FAM13A: variants seen among roughly 807,000 people sequenced by gnomAD.
FAM13A encodes the protein protein FAM13A.
In FAM13A, 76 loss-of-function variants were observed where a neutral mutation model predicts 129.6. The observed-to-expected ratio is 0.59, with a 90% CI of 0.49 to 0.71. The LOEUF (loss-of-function observed/expected upper bound fraction) is 0.71, where lower values mean the gene tolerates loss of function less well. Ranked by LOEUF, FAM13A falls within the 30% of genes least tolerant of loss-of-function variation. The pLI, the probability that FAM13A is intolerant of heterozygous loss-of-function variation, is 0.00. For missense variants in FAM13A, 1,108 were observed against 1,249.3 expected, an observed-to-expected ratio of 0.89 and a Z score of 1.70; for synonymous variants, 443 against 449.9, an observed-to-expected ratio of 0.98 and a Z score of 0.20.
chr4:89,048,799 T>C (rs890775422), intron 1 of FAM13A, among the ~76,000 whole-genome samples: 2 of 152,228 alleles, frequency 1.3e-5, no homozygotes, highest in Non-Finnish European at 1.5e-5. Flanking sequence ...AAGTGATTAC[T>C]ACTGCTACAC....
At position 88,768,045 on chromosome 4, in the gene FAM13A, G is replaced by T; in HGVS notation, c.1473C>A (p.Leu491=). ...TTCTCTCATGAGATCGTGTGGAATT[G>T]AGACTTTCCATATTCTGTAACAGAA... is the stretch of plus-strand genomic sequence containing the variant. ...NQDGLVNMES[L]NSTRSHERTG... Residue 491 remains leucine (L), a synonymous_variant, in exon 12 of 24, where the codon CTC becomes CTA. Transcript: ENST00000264344. 1 of 1,603,802 alleles carries T rather than the reference G, an allele frequency of 6.2e-7. No homozygotes were observed. Among genetic ancestry groups the T allele is most frequent in the South Asian group, 1.1e-5 (1 of 90,730 alleles).
chr4:89,053,402 A>C (rs1019571550), intron 1 of FAM13A, among the ~76,000 whole-genome samples: 1 of 152,198 alleles, frequency 6.6e-6, no homozygotes, highest in Non-Finnish European at 1.5e-5. Context: ...CCTGTCAAAG[A>C]AGATAAACCT....
intron 4 of FAM13A, among the ~76,000 whole-genome samples, chr4:88,980,790 G>C (rs1761562018): frequency 6.6e-6 from 1 of 152,316 alleles, no homozygotes; most frequent in African/African-American, 2.4e-5. Flanking sequence ...GCAGTTAGCA[G>C]ATAAAATGAC....
chr4:88,845,507 G>C (rs918598240), intron 7 of FAM13A, among the ~76,000 whole-genome samples: 3 of 152,070 alleles, frequency 2.0e-5, no homozygotes, highest in Non-Finnish European at 4.4e-5. Context: ...GAAGGGCGAG[G>C]GAAGGAACAT....
chr4:88,920,687 C>T (rs894624513), intron 5 of FAM13A, among the ~76,000 whole-genome samples: 14 of 152,142 alleles, frequency 9.2e-5, no homozygotes, highest in African/African-American at 3.4e-4. Context: ...AGCAACGGAA[C>T]AAAGCTGGAC....
chr4:89,025,968 A>C (rs954311580), intron 2 of FAM13A, among the ~76,000 whole-genome samples: 1 of 152,228 alleles, frequency 6.6e-6, no homozygotes, highest in African/African-American at 2.4e-5. Flanking sequence ...CAATTCAAAA[A>C]ATATTAAAAT....
chr4:89,036,453 T>A (rs1167615664), intron 1 of FAM13A, among the ~76,000 whole-genome samples: 1 of 152,126 alleles, frequency 6.6e-6, no homozygotes, highest in Non-Finnish European at 1.5e-5. Context: ...AGCAAAGAGA[T>A]TATCTGAAAC....
intron 7 of FAM13A, among the ~76,000 whole-genome samples, chr4:88,807,293 A>G (rs1286188673): frequency 6.6e-6 from 1 of 152,168 alleles, no homozygotes; most frequent in Non-Finnish European, 1.5e-5. Flanking sequence ...TCTCTGCAGC[A>G]AACAGAAGCA....
intron 11 of FAM13A, among the ~76,000 whole-genome samples, chr4:88,772,714 A>G (rs538804508): frequency 5.3e-5 from 8 of 152,352 alleles, no homozygotes; most frequent in Non-Finnish European, 8.8e-5. Context: ...GAACACTTAC[A>G]TTAGCTTACA....
chr4:88,742,101 A>G (rs1448155544), intron 19 of FAM13A, among the ~76,000 whole-genome samples: 2 of 152,200 alleles, frequency 1.3e-5, no homozygotes, highest in Non-Finnish European at 2.9e-5. Context: ...AAGACATACT[A>G]AAAGTAGAAA....
At chr4:88,794,945 T>TATA (rs1335884651) in intron 8 of FAM13A, among the ~76,000 whole-genome samples, 2 of 151,868 alleles carry the variant, frequency 1.3e-5, no homozygotes, top group Non-Finnish European at 3.0e-5. Context: ...TTTGTTATGG[T>TATA]ATAATGGCTT....
chr4:88,850,967 C>T, intron 7 of FAM13A, 53 bp downstream of exon 7: 2 of 1,562,242 alleles, frequency 1.3e-6, no homozygotes, highest in South Asian at 1.1e-5. Flanking sequence ...CGGGCCTAAA[C>T]ATAAGAGCGA....
chr4:88,993,566 CT>C (rs1263050751), intron 3 of FAM13A, among the ~76,000 whole-genome samples: 1 of 152,142 alleles, frequency 6.6e-6, no homozygotes, highest in Non-Finnish European at 1.5e-5. Context: ...ACAATAACAT[CT>C]TTGAAAAAGC....
chr4:89,001,873 A>G (rs1393661998), intron 3 of FAM13A, among the ~76,000 whole-genome samples: 1 of 152,226 alleles, frequency 6.6e-6, no homozygotes, highest in Non-Finnish European at 1.5e-5. Context: ...CACTGTGCTG[A>G]TTAAAATGGC....
intron 1 of FAM13A, among the ~76,000 whole-genome samples, chr4:89,052,411 A>C: frequency 6.7e-6 from 1 of 149,392 alleles, no homozygotes. Flanking sequence ...TGCACCCATT[A>C]ACTCATCATT....
intron 6 of FAM13A, among the ~76,000 whole-genome samples, chr4:88,905,328 G>T (rs1020524914): frequency 2.0e-5 from 3 of 151,890 alleles, no homozygotes; most frequent in African/African-American, 4.8e-5. Flanking sequence ...GTACAGATGG[G>T]GTTTCAACAT....
At chr4:88,909,452 T>C (rs1278643017) in intron 5 of FAM13A, among the ~76,000 whole-genome samples, 1 of 152,008 alleles carries the variant, frequency 6.6e-6, no homozygotes, top group Non-Finnish European at 1.5e-5. Flanking sequence ...GTGGGGAATG[T>C]GGAGTGACTG....
chr4:88,910,165 G>T (rs1748854808), intron 5 of FAM13A, among the ~76,000 whole-genome samples: 1 of 152,072 alleles, frequency 6.6e-6, no homozygotes, highest in African/African-American at 2.4e-5. Flanking sequence ...TGTCAAACTG[G>T]ACATTAATAG....
intron 6 of FAM13A, among the ~76,000 whole-genome samples, chr4:88,885,022 A>C (rs958908003): frequency 2.6e-5 from 4 of 152,212 alleles, no homozygotes; most frequent in African/African-American, 9.6e-5. Context: ...AAATGGAAAC[A>C]CATCCTCTTC....
Sources: gnomAD v4.1 joint callset for allele counts (sites outside exome capture counted in the v4.1 genomes callset) on GRCh38, gnomAD v4.1.1 for gene constraint, MANE v1.5 for transcripts, NCBI Gene and HGNC (gene_info 2026-07-23, HGNC 2026-07-21) for gene names.